Variants in IQSEC1 observed in about 807,000 individuals in gnomAD.
IQSEC1 encodes the protein IQ motif and SEC7 domain-containing protein 1.
A neutral mutation model predicts 91.0 loss-of-function variants in IQSEC1; 31 were observed. The ratio of observed to expected loss-of-function variants is 0.34; its 90% CI spans 0.26 to 0.46. IQSEC1 has a LOEUF of 0.46. IQSEC1 is among the 20% of genes least tolerant of loss of function. IQSEC1 has a pLI of 1.00. For synonymous variants in IQSEC1, 699 were observed against 662.6 expected (o/e 1.05, Z -0.84); for missense variants, 1,388 against 1,575.6 (o/e 0.88, Z 2.02).
intron 1 of IQSEC1, among the ~76,000 whole-genome samples, chr3:13,051,704 G>T (rs1704698036): frequency 6.6e-6 from 1 of 152,210 alleles, no homozygotes; most frequent in Non-Finnish European, 1.5e-5. Context: ...CTCAGGCTCA[G>T]CTGGAACTGG....
chr3:13,243,813 A>G (rs1040523474), intron 1 of IQSEC1, among the ~76,000 whole-genome samples: 1 of 152,050 alleles, frequency 6.6e-6, no homozygotes, highest in Admixed American at 6.5e-5. Flanking sequence ...GTATGGCAGA[A>G]TGGGAAGCAG....
intron 2 of IQSEC1, among the ~76,000 whole-genome samples, chr3:13,093,430 C>T (rs987109640): frequency 6.6e-6 from 1 of 152,082 alleles, no homozygotes; most frequent in African/African-American, 2.4e-5. Context: ...CCAGGGGAGA[C>T]CATTAGGAAG....
chr3:13,175,507 C>T (rs1482485159), intron 1 of IQSEC1, among the ~76,000 whole-genome samples: 1 of 152,220 alleles, frequency 6.6e-6, no homozygotes, highest in East Asian at 1.9e-4. Context: ...CTGAGTCCCT[C>T]AATGGCTCTA....
chr3:13,261,726 C>T (rs1180290426), intron 1 of IQSEC1, among the ~76,000 whole-genome samples: 2 of 152,108 alleles, frequency 1.3e-5, no homozygotes, highest in Non-Finnish European at 2.9e-5. Flanking sequence ...CCAAAATCCC[C>T]AATAAATCTC....
chr3:13,270,762 T>C (rs1397096466), intron 1 of IQSEC1, among the ~76,000 whole-genome samples: 1 of 152,144 alleles, frequency 6.6e-6, no homozygotes, highest in African/African-American at 2.4e-5. Flanking sequence ...AGAAAATAAA[T>C]GACAAAATTG....
chr3:12,943,876 G>C (rs1478454523), intron 1 of IQSEC1, among the ~76,000 whole-genome samples: 1 of 152,234 alleles, frequency 6.6e-6, no homozygotes, highest in Non-Finnish European at 1.5e-5. Flanking sequence ...CTGGGCTGCA[G>C]ATCTTGGCAC....
rs903396252 is a variant in IQSEC1 at position 13,191,345 on chromosome 3, G to A, written c.273-27212C>T. Among the ~76,000 whole-genome samples, 5 of 152,142 alleles carry A rather than the reference G, an allele frequency of 3.3e-5. No homozygotes were observed. The East Asian group carries it at 5.8e-4, about 18-fold the overall frequency. On this transcript the variant is annotated intron_variant, in intron 1 of 15. Coordinates refer to the IQSEC1 transcript ENST00000648114. ...TCCTCATGCTGCCATAGCTATCTTC[G>A]TCGTATTCACTTATTTTGTTTTCTG...
At chr3:13,136,220 A>G (rs1159126733) in intron 2 of IQSEC1, among the ~76,000 whole-genome samples, 1 of 152,220 alleles carries the variant, frequency 6.6e-6, no homozygotes, top group African/African-American at 2.4e-5. Context: ...TCCGGCTGAG[A>G]CTGATGCAAG....
chr3:12,902,232 T>C (rs1006145179), intron 13 of IQSEC1, among the ~76,000 whole-genome samples: 1 of 152,178 alleles, frequency 6.6e-6, no homozygotes. Flanking sequence ...CTGAATCTCT[T>C]TCTCTCAAGA....
intron 2 of IQSEC1, among the ~76,000 whole-genome samples, chr3:13,138,189 C>T (rs572923953): frequency 5.3e-5 from 8 of 152,216 alleles, no homozygotes; most frequent in Non-Finnish European, 8.8e-5. Flanking sequence ...GCACAGCACT[C>T]TCTCTCACAA....
intron 1 of IQSEC1, among the ~76,000 whole-genome samples, chr3:13,242,746 T>C (rs1695040811): frequency 6.6e-6 from 1 of 152,146 alleles, no homozygotes; most frequent in South Asian, 2.1e-4. Flanking sequence ...AAACGAAGCC[T>C]TTTCCTTTGT....
intron 1 of IQSEC1, among the ~76,000 whole-genome samples, chr3:13,048,235 G>A (rs1445660212): frequency 6.6e-6 from 1 of 152,226 alleles, no homozygotes. Context: ...GAATGCATCT[G>A]AAAGGACTGT....
chr3:13,176,539 C>G (rs1693733453), intron 1 of IQSEC1, among the ~76,000 whole-genome samples: 1 of 152,210 alleles, frequency 6.6e-6, no homozygotes, highest in African/African-American at 2.4e-5. Flanking sequence ...ATTCTAAACA[C>G]AGATCATCAG....
rs189970851 is a variant in IQSEC1 at position 13,244,023 on chromosome 3, C to T, written c.272+38688G>A. Among the ~76,000 whole-genome samples, 32 of 152,198 alleles carry T rather than the reference C, an allele frequency of 2.1e-4. No individual in the cohort carries two copies. The East Asian group carries it at 2.1e-3, about 10-fold the overall frequency. ...ATTTGCTTGACACACATTTGTGGAG[C>T]GCCTGCTCTGTGCCAGGCCACCATT... On this transcript the variant is annotated intron_variant, in intron 1 of 15. Coordinates refer to the IQSEC1 transcript ENST00000648114.
chr3:13,061,552 C>T (rs1008943845), intron 1 of IQSEC1, among the ~76,000 whole-genome samples: 1 of 152,140 alleles, frequency 6.6e-6, no homozygotes, highest in Admixed American at 6.5e-5. Context: ...CCCCAGCCCC[C>T]ACCAAGGTCC....
chr3:13,188,395 C>T (rs144297831), intron 1 of IQSEC1, among the ~76,000 whole-genome samples: 16 of 152,290 alleles, frequency 1.1e-4, no homozygotes, highest in East Asian at 1.9e-4. Context: ...GGGAGGATCA[C>T]GGTAAGAGTC....
intron 1 of IQSEC1, among the ~76,000 whole-genome samples, chr3:12,993,774 G>A (rs895049936): frequency 1.3e-5 from 2 of 152,190 alleles, no homozygotes; most frequent in Admixed American, 1.3e-4. Flanking sequence ...GGCGCGCCCC[G>A]GCCCCCATTC....
chr3:13,030,183 C>T (rs1006589935), intron 1 of IQSEC1, among the ~76,000 whole-genome samples: 1 of 152,198 alleles, frequency 6.6e-6, no homozygotes, highest in Non-Finnish European at 1.5e-5. Context: ...CTGCAACCTC[C>T]ACCTGCCAGG....
At position 13,137,321 on chromosome 3, in the gene IQSEC1, GA is replaced by G. The variant is rs200932239; in HGVS notation, c.302+26782del. On this transcript the variant is annotated intron_variant, in intron 2 of 15. Transcript: ENST00000648114. ...CAGGAGAATGCAAAAATAAACTGTAGAATATTGACACAATTTATTTTCACAT... is the reference window on the plus strand; with the variant it reads ...CAGGAGAATGCAAAAATAAACTGTAGATATTGACACAATTTATTTTCACAT... Among the ~76,000 whole-genome samples, 130 of 152,228 alleles carry G rather than the reference GA, an allele frequency of 8.5e-4. 4 individuals carry two copies. The East Asian group carries it at 0.023, about 27-fold the overall frequency.
Sources: gnomAD v4.1 joint callset for allele counts (sites outside exome capture counted in the v4.1 genomes callset) on GRCh38, gnomAD v4.1.1 for gene constraint, MANE v1.5 for transcripts, NCBI Gene and HGNC (gene_info 2026-07-23, HGNC 2026-07-21) for gene names.